Variants in AQP9 observed in about 807,000 individuals in gnomAD.
The protein encoded by AQP9 is aquaporin 9.
Under a neutral mutation model 23.8 loss-of-function variants are expected in AQP9, and 19 were observed. The ratio of observed to expected loss-of-function variants is 0.80; its 90% CI spans 0.56 to 1.17. AQP9 has a LOEUF of 1.17. Ranked by LOEUF, AQP9 falls within the 50% of genes most tolerant of loss-of-function variation. AQP9 has a pLI of 0.00. For synonymous variants in AQP9, 153 were observed against 131.5 expected (o/e 1.16, Z -1.12); for missense variants, 413 against 362.0 (o/e 1.14, Z -1.14).
intron 2 of AQP9, among the ~76,000 whole-genome samples, chr15:58,170,125 C>T (rs1898588875): frequency 6.6e-6 from 1 of 152,190 alleles, no homozygotes; most frequent in Admixed American, 6.5e-5. Context: ...TTCTCATGTT[C>T]TTTCCAATAC....
At position 58,184,017 on chromosome 15, in the gene AQP9, T is replaced by C. The variant is rs375847778; in HGVS notation, c.770T>C (p.Ile257Thr). 5.0e-6 allele frequency: 8 copies of C among 1,614,176 alleles called. No homozygotes were observed. In the East Asian group the frequency reaches 6.7e-5, roughly 13 times the overall value. Residue 257 changes from isoleucine to threonine, a missense_variant, in exon 6 of 6, where the codon ATT becomes ACT. Ile to Thr is a moderately conservative substitution (Grantham distance 89). Transcript: ENST00000219919. ...PVVGPLVGAV[I>T]GGLIYVLVIE... Reference sequence around the variant, plus strand: ...GTGGGCCCTTTGGTTGGTGCTGTCATTGGAGGCCTCATCTATGTTCTTGTC... The same window carrying C: ...GTGGGCCCTTTGGTTGGTGCTGTCACTGGAGGCCTCATCTATGTTCTTGTC...
chr15:58,157,287 G>A (rs531069069), intron 1 of AQP9, among the ~76,000 whole-genome samples: 8 of 152,124 alleles, frequency 5.3e-5, no homozygotes, highest in South Asian at 2.1e-4. Context: ...CACATAGTAC[G>A]GAGCAAATGT....
At chr15:58,178,498 T>G (rs1043027024) in intron 4 of AQP9, among the ~76,000 whole-genome samples, 2 of 152,230 alleles carry the variant, frequency 1.3e-5, no homozygotes, top group Non-Finnish European at 2.9e-5. Context: ...AAATTTATGT[T>G]TTTGAATGCA....
intron 1 of AQP9, among the ~76,000 whole-genome samples, chr15:58,162,111 A>C (rs1898396403): frequency 6.6e-6 from 1 of 152,224 alleles, no homozygotes; most frequent in South Asian, 2.1e-4. Flanking sequence ...CATGAGTCAG[A>C]AGGTACAGGG....
At chr15:58,173,244 G>A (rs1251477955) in intron 3 of AQP9, 39 bp downstream of exon 3, 6 of 1,609,058 alleles carry the variant, frequency 3.7e-6, no homozygotes, top group Non-Finnish European at 4.3e-6. Flanking sequence ...AGGAAGAGCT[G>A]GGCATAATTT....
chr15:58,149,383 C>T (rs1898107356), intron 1 of AQP9, among the ~76,000 whole-genome samples: 1 of 152,212 alleles, frequency 6.6e-6, no homozygotes, highest in Non-Finnish European at 1.5e-5. Context: ...TCCTCCTTCA[C>T]CTATTGCTGG....
chr15:58,163,359 T>G (rs1254869925), intron 1 of AQP9, among the ~76,000 whole-genome samples: 1 of 152,134 alleles, frequency 6.6e-6, no homozygotes, highest in Non-Finnish European at 1.5e-5. Flanking sequence ...GAGGAGTGCG[T>G]GGTGGACTTC....
At chr15:58,178,505 T>A (rs563840776) in intron 4 of AQP9, among the ~76,000 whole-genome samples, 1 of 152,248 alleles carries the variant, frequency 6.6e-6, no homozygotes, top group Non-Finnish European at 1.5e-5. Context: ...TGTTTTTGAA[T>A]GCATATTGCT....
At position 58,173,158 on chromosome 15, in the gene AQP9, T is replaced by G. The variant is rs757863863; in HGVS notation, c.329T>G (p.Phe110Cys). Residue 110 changes from phenylalanine (F) to cysteine (C), a missense_variant, in exon 3 of 6, where the codon TTC (phenylalanine) becomes TGC (cysteine). Phe to Cys is a radical substitution (Grantham distance 205). Coordinates refer to ENST00000219919, the MANE Select transcript of AQP9 (RefSeq NM_020980.5). Reference sequence around the variant, plus strand: ...TTGCCATTTTATGTGGGAGCCCAGTTCTTGGGAGCCTTTGTGGGGGCTGCA... The same window carrying G: ...TTGCCATTTTATGTGGGAGCCCAGTGCTTGGGAGCCTTTGTGGGGGCTGCA... ...FKLPFYVGAQ[F>C]LGAFVGAATV... 5.6e-6 allele frequency: 9 copies of G among 1,614,086 alleles called. No homozygotes were observed.
intron 1 of AQP9, chr15:58,155,828 G>A (rs1234243846): frequency 6.6e-6 from 1 of 152,082 alleles, no homozygotes; most frequent in African/African-American, 2.4e-5. Context: ...TAAACTAGGA[G>A]GTGTACTGGC....
In AQP9 at chr15:58,175,043, G is replaced by C; in HGVS notation, c.495+7G>C. On this transcript the variant is annotated splice_region_variant and intron_variant, in intron 4 of 5. Coordinates refer to ENST00000219919, the MANE Select transcript of AQP9 (RefSeq NM_020980.5). The stretch of plus-strand genomic sequence containing the variant: ...GAACGCATTTGCAGATCAAGTAAGT[G>C]TAGATTCAACAAAGACTTAACTTTG... 1 of 1,603,730 alleles carries C rather than the reference G, an allele frequency of 6.2e-7. No individual in the cohort carries two copies. Among genetic ancestry groups the C allele is most frequent in the Non-Finnish European group, 8.5e-7 (1 of 1,170,470 alleles).
chr15:58,153,955 A>G (rs562117100), intron 1 of AQP9: 1 of 152,228 alleles, frequency 6.6e-6, no homozygotes, highest in South Asian at 2.1e-4. Context: ...TAAGCACCTA[A>G]TAATCGGCAG....
Position 58,173,225 on chromosome 15 carries a change from C to T in AQP9, c.376+20C>T, listed in dbSNP as rs924536447. On this transcript the variant is annotated intron_variant, in intron 3 of 5. Transcript: ENST00000219919. The stretch of plus-strand genomic sequence containing the variant: ...ACTATGGTGAGTAAAGTCCCTGAGT[C>T]CTAAGGTTAGGAAGAGCTGGGCATA... 6.2e-7 allele frequency: 1 copy of T among 1,613,716 alleles called. No individual in the cohort carries two copies. The highest frequency in any genetic ancestry group is 8.5e-7 in the Non-Finnish European group (1 of 1,179,840).
chr15:58,157,888 T>C (rs186344301), intron 1 of AQP9, among the ~76,000 whole-genome samples: 1 of 152,264 alleles, frequency 6.6e-6, no homozygotes, highest in African/African-American at 2.4e-5. Context: ...AAATTGGAGC[T>C]GAAAAGGATT....
chr15:58,145,544 AT>A (rs1898030329), intron 1 of AQP9, among the ~76,000 whole-genome samples: 1 of 151,834 alleles, frequency 6.6e-6, no homozygotes, highest in African/African-American at 2.4e-5. Flanking sequence ...AAGTAAATCA[AT>A]TTTTCTTCTG....
At chr15:58,178,236 AAAACAC>A (rs1288539119) in intron 4 of AQP9, among the ~76,000 whole-genome samples, 2 of 152,200 alleles carry the variant, frequency 1.3e-5, no homozygotes, top group African/African-American at 2.4e-5. Flanking sequence ...AACACAAAAC[AAAACAC>A]AAACACAAAC....
intron 1 of AQP9, 66 bp from the exon 2 acceptor site, chr15:58,166,607 G>C: frequency 1.3e-6 from 2 of 1,528,408 alleles, no homozygotes. Flanking sequence ...ACTTGCTACT[G>C]TGAGTTTCCA....
chr15:58,150,153 C>G (rs1010607639), intron 1 of AQP9: 1 of 152,668 alleles, frequency 6.6e-6, no homozygotes, highest in Non-Finnish European at 1.5e-5. Flanking sequence ...AAATGGATAG[C>G]GTATGCCCTG....
Position 58,174,921 on chromosome 15 carries a change from G to C in AQP9, c.380G>C (p.Gly127Ala), listed in dbSNP as rs763977707. The change falls in exon 4 of 6, where the codon GGA (glycine) becomes GCA (alanine). Residue 127 changes from glycine to alanine, a missense_variant. Coordinates refer to ENST00000219919, the MANE Select transcript of AQP9 (RefSeq NM_020980.5). ...AATVFGIYYD[G>A]LMSFAGGKLL... ...GCCAGAGCTTTCTCTTTCATAGATGGACTTATGTCCTTTGCTGGTGGAAAA... is the reference window on the plus strand; with the variant it reads ...GCCAGAGCTTTCTCTTTCATAGATGCACTTATGTCCTTTGCTGGTGGAAAA... 2 of 1,613,762 alleles carry C rather than the reference G, an allele frequency of 1.2e-6. No individual in the cohort carries two copies. Among genetic ancestry groups the C allele is most frequent in the East Asian group, 4.5e-5 (2 of 44,880 alleles).
Sources: gnomAD v4.1 joint callset for allele counts (sites outside exome capture counted in the v4.1 genomes callset) on GRCh38, gnomAD v4.1.1 for gene constraint, MANE v1.5 for transcripts, NCBI Gene and HGNC (gene_info 2026-07-23, HGNC 2026-07-21) for gene names.